The following TLK2 variants were observed in gnomAD, a reference collection of about 807,000 sequenced individuals.
The protein encoded by TLK2 is tousled like kinase 2, also known as serine/threonine-protein kinase tousled-like 2.
In TLK2, 6 loss-of-function variants were observed where a neutral mutation model predicts 117.3. That is an observed-to-expected ratio of 0.05 (90% CI 0.03 to 0.10). The LOEUF (loss-of-function observed/expected upper bound fraction) is 0.10. Ranked by LOEUF, TLK2 falls within the 10% of genes least tolerant of loss-of-function variation. The pLI is 1.00. For synonymous variants in TLK2, 257 were observed against 316.7 expected, an observed-to-expected ratio of 0.81 and a Z score of 2.00; for missense variants, 299 against 901.2, an observed-to-expected ratio of 0.33 and a Z score of 8.56.
chr17:62,581,790 A>C (rs2081241129), intron 15 of TLK2, among the ~76,000 whole-genome samples: 1 of 152,120 alleles, frequency 6.6e-6, no homozygotes, highest in South Asian at 2.1e-4. Flanking sequence ...GGATTGGCCC[A>C]TAGTCACCTT....
chr17:62,478,148 G>C (rs896697103), upstream of TLK2: 3 of 151,930 alleles, frequency 2.0e-5, no homozygotes, highest in South Asian at 6.2e-4. Flanking sequence ...CGGCGGCTCC[G>C]GGGAGTGGCG....
At chr17:62,571,987 A>G (rs1225504846) in intron 11 of TLK2, among the ~76,000 whole-genome samples, 1 of 151,892 alleles carries the variant, frequency 6.6e-6, no homozygotes, top group African/African-American at 2.4e-5. Context: ...AGCCAACATG[A>G]TGAAACCCTG....
At chr17:62,533,698 A>G (rs1365166523) in intron 6 of TLK2, among the ~76,000 whole-genome samples, 1 of 151,964 alleles carries the variant, frequency 6.6e-6, no homozygotes, top group African/African-American at 2.4e-5. Context: ...GCTGGTCTCA[A>G]ACTCCTGACC....
chr17:62,608,702 A>G (rs1004162312), intron 21 of TLK2, among the ~76,000 whole-genome samples: 2 of 152,326 alleles, frequency 1.3e-5, no homozygotes, highest in East Asian at 1.9e-4. Flanking sequence ...ACCTCCCACC[A>G]GGACCCTACC....
rs941796983 is a variant in TLK2, at chr17:62,613,512, G to A, written c.*947G>A. 2.6e-5 allele frequency: 4 copies of A among 152,644 alleles called. No homozygotes were observed. Among genetic ancestry groups the A allele is most frequent in the Admixed American group, 2.6e-4 (4 of 15,286 alleles). 9.5% of individuals were successfully genotyped at this position (152,644 alleles called of 1,614,324 possible). The stretch of plus-strand genomic sequence containing the variant: ...TGCAGTCCTCTTGGATTCTCTGAAT[G>A]TAGTAACTATGAAGCTATGCCAAAG... On this transcript the variant is annotated 3_prime_UTR_variant, in exon 22 of 22. Transcript: ENST00000346027.
intron 10 of TLK2, among the ~76,000 whole-genome samples, chr17:62,562,654 C>A (rs1410912869): frequency 6.6e-6 from 1 of 152,142 alleles, no homozygotes; most frequent in South Asian, 2.1e-4. Context: ...AAAAACCTGA[C>A]AGATCCAAGG....
At chr17:62,581,297 C>T (rs2081201110) in intron 15 of TLK2, among the ~76,000 whole-genome samples, 1 of 152,144 alleles carries the variant, frequency 6.6e-6, no homozygotes, top group Non-Finnish European at 1.5e-5. Flanking sequence ...GACACTGCAC[C>T]CAGCTGTGAT....
intron 7 of TLK2, among the ~76,000 whole-genome samples, chr17:62,545,566 G>C (rs2077846892): frequency 6.6e-6 from 1 of 152,066 alleles, no homozygotes; most frequent in African/African-American, 2.4e-5. Context: ...GCAGTGAGCT[G>C]AGATTGTGCC....
At chr17:62,540,414 T>TTTTTTTTTTTTTTC in intron 7 of TLK2, among the ~76,000 whole-genome samples, 1 of 105,796 alleles carries the variant, frequency 9.5e-6, no homozygotes, top group Non-Finnish European at 2.1e-5. Flanking sequence ...TTTTTTTTTT[T>TTTTTTTTTTTTTTC]TTTTTTTTTG....
chr17:62,508,966 TCAA>T (rs201595124), intron 2 of TLK2, among the ~76,000 whole-genome samples: 21 of 152,038 alleles, frequency 1.4e-4, no homozygotes, highest in South Asian at 6.2e-4. Context: ...AGACTCCATC[TCAA>T]CAACAACAAC....
At chr17:62,541,479 G>A (rs2077528897) in intron 7 of TLK2, among the ~76,000 whole-genome samples, 1 of 152,236 alleles carries the variant, frequency 6.6e-6, no homozygotes, top group African/African-American at 2.4e-5. Context: ...AAGTGAGGTA[G>A]CTGTATATAC....
upstream of TLK2, among the ~76,000 whole-genome samples, chr17:62,478,249 G>A (rs988387163): frequency 1.3e-5 from 2 of 151,314 alleles, no homozygotes; most frequent in African/African-American, 4.8e-5. Flanking sequence ...TCACACATAG[G>A]ATTAGCGTCC....
Position 62,519,054 on chromosome 17 carries a change from T to C in TLK2, c.82-1719T>C, listed in dbSNP as rs566108349. On this transcript the variant is annotated intron_variant, in intron 2 of 21. Transcript: ENST00000346027. ...GCACACCACCATGCCTCGCTAATTT[T>C]TTGTATTTTTGGTAGAGATGGGGTT... is the stretch of plus-strand genomic sequence containing the variant. 5.6e-3 allele frequency among the ~76,000 whole-genome samples: 851 copies of C among 152,180 alleles called. 8 individuals carry two copies. Among genetic ancestry groups the C allele is most frequent in the African/African-American group, 0.02 (810 of 41,524 alleles).
intron 15 of TLK2, among the ~76,000 whole-genome samples, chr17:62,583,588 C>G (rs555002395): frequency 6.6e-6 from 1 of 151,920 alleles, no homozygotes; most frequent in South Asian, 2.1e-4. Context: ...ATTTCTTTTT[C>G]TCTTGAGACA....
chr17:62,574,318 T>C (rs373082787), intron 12 of TLK2: 11 of 1,537,840 alleles, frequency 7.2e-6, no homozygotes, highest in Admixed American at 3.9e-5. Context: ...TTTAGTAAGT[T>C]TATGTTAAAT....
chr17:62,602,674 A>G (rs1014403332), intron 19 of TLK2, among the ~76,000 whole-genome samples: 19 of 152,172 alleles, frequency 1.2e-4, no homozygotes, highest in African/African-American at 2.9e-4. Flanking sequence ...AGTGACTACA[A>G]TTTACCAGAA....
At chr17:62,532,447 A>G (rs2076808567) in intron 6 of TLK2, among the ~76,000 whole-genome samples, 1 of 152,156 alleles carries the variant, frequency 6.6e-6, no homozygotes, top group Non-Finnish European at 1.5e-5. Flanking sequence ...AAACTGTTAC[A>G]TTTGCTGGGG....
At chr17:62,542,090 C>G (rs977309218) in intron 7 of TLK2, among the ~76,000 whole-genome samples, 1 of 152,090 alleles carries the variant, frequency 6.6e-6, no homozygotes, top group African/African-American at 2.4e-5. Context: ...AGAATGTTGT[C>G]AGGGAAAATC....
intron 2 of TLK2, among the ~76,000 whole-genome samples, chr17:62,514,484 T>C (rs2075403122): frequency 1.3e-5 from 2 of 151,446 alleles, no homozygotes; most frequent in Admixed American, 1.3e-4. Flanking sequence ...AACTCAATAG[T>C]CATTCCTACT....
Sources: allele counts gnomAD v4.1 joint callset (sites outside exome capture counted in the v4.1 genomes callset), GRCh38; gene constraint gnomAD v4.1.1; transcripts MANE v1.5; gene names NCBI Gene and HGNC (gene_info 2026-07-23, HGNC 2026-07-21).